Variants in KCNQ3 observed in about 807,000 individuals in gnomAD.
KCNQ3 encodes potassium voltage-gated channel subfamily Q member 3, also known as potassium voltage-gated channel subfamily KQT member 3.
Under a neutral mutation model 92.5 loss-of-function variants are expected in KCNQ3, and 30 were observed. The observed-to-expected ratio is 0.32, with a 90% CI of 0.24 to 0.44. The LOEUF (loss-of-function observed/expected upper bound fraction) is 0.44. Among genes scored for constraint, KCNQ3 ranks in the 20% least tolerant of loss-of-function variants. The pLI is 1.00. For missense variants in KCNQ3, 913 were observed against 1,140.3 expected, an observed-to-expected ratio of 0.80 and a Z score of 2.87; for synonymous variants, 450 against 468.8, an observed-to-expected ratio of 0.96 and a Z score of 0.52.
At chr8:132,170,188 A>G (rs539325053) in intron 8 of KCNQ3, 146 bp downstream of exon 8, 1 of 701,366 alleles carries the variant, frequency 1.4e-6, no homozygotes, top group East Asian at 2.7e-5. Context: ...TGTTTAAGCT[A>G]CCAGATAATT....
chr8:132,288,196 G>T (rs1017116306), intron 1 of KCNQ3, among the ~76,000 whole-genome samples: 1 of 152,154 alleles, frequency 6.6e-6, no homozygotes, highest in Non-Finnish European at 1.5e-5. Flanking sequence ...ATATGGATAT[G>T]TTTATGGTTT....
chr8:132,215,740 A>G (rs1814009981), intron 1 of KCNQ3, among the ~76,000 whole-genome samples: 1 of 152,232 alleles, frequency 6.6e-6, no homozygotes, highest in Admixed American at 6.5e-5. Flanking sequence ...GGCTTAGCCC[A>G]TGACTGATAG....
At chr8:132,368,292 C>T (rs1255011682) in intron 1 of KCNQ3, among the ~76,000 whole-genome samples, 1 of 152,136 alleles carries the variant, frequency 6.6e-6, no homozygotes, top group African/African-American at 2.4e-5. Context: ...TGAGGACCTC[C>T]TCTGTATACA....
At chr8:132,401,609 C>T (rs568076563) in intron 1 of KCNQ3, among the ~76,000 whole-genome samples, 14 of 152,234 alleles carry the variant, frequency 9.2e-5, no homozygotes, top group Admixed American at 7.2e-4. Context: ...TTCCTGACCT[C>T]GTGATCCGCC....
chr8:132,178,531 G>C (rs1466222904), intron 4 of KCNQ3, among the ~76,000 whole-genome samples: 2 of 152,130 alleles, frequency 1.3e-5, no homozygotes, highest in Non-Finnish European at 2.9e-5. Context: ...TGAGCACCCA[G>C]GAGGATTCAC....
At position 132,471,374 on chromosome 8, in the gene KCNQ3, C is replaced by CTGG. The variant is rs1182977891; in HGVS notation, c.386+8770_386+8772dup. Reference sequence around the variant, plus strand: ...CTTATTCATTTGTAAACGCGAGCCACTGGTCACCCTCCAAGTCAATACGGA... The same window carrying CTGG: ...CTTATTCATTTGTAAACGCGAGCCACTGGTGGTCACCCTCCAAGTCAATACGGA... On this transcript the variant is annotated intron_variant, in intron 1 of 14. Transcript: ENST00000388996. 7.9e-5 allele frequency among the ~76,000 whole-genome samples: 12 copies of CTGG among 152,278 alleles called. No homozygotes were observed. The South Asian group carries it at 2.3e-3, about 29-fold the overall frequency.
At chr8:132,396,145 G>C (rs1349027842) in intron 1 of KCNQ3, among the ~76,000 whole-genome samples, 2 of 152,104 alleles carry the variant, frequency 1.3e-5, no homozygotes, top group Non-Finnish European at 2.9e-5. Flanking sequence ...CTTCATTTCC[G>C]ACCCAGGCAG....
intron 1 of KCNQ3, among the ~76,000 whole-genome samples, chr8:132,292,758 T>C (rs1053033166): frequency 2.0e-5 from 3 of 152,218 alleles, no homozygotes; most frequent in Admixed American, 6.5e-5. Flanking sequence ...TGGGGCACTT[T>C]GGGCCTCAGG....
chr8:132,137,279 T>C (rs1023077752), intron 12 of KCNQ3, among the ~76,000 whole-genome samples: 3 of 152,194 alleles, frequency 2.0e-5, no homozygotes, highest in Admixed American at 2.0e-4. Flanking sequence ...TTCTAATCAG[T>C]TGGAGCTGGT....
intron 1 of KCNQ3, among the ~76,000 whole-genome samples, chr8:132,437,272 C>T (rs921522589): frequency 6.9e-6 from 1 of 145,744 alleles, no homozygotes; most frequent in Non-Finnish European, 1.5e-5. Flanking sequence ...AGCGAGACTC[C>T]GTCTCAAAAA....
intron 1 of KCNQ3, among the ~76,000 whole-genome samples, chr8:132,270,106 A>C (rs1816105816): frequency 6.7e-6 from 1 of 148,288 alleles, no homozygotes; most frequent in African/African-American, 2.5e-5. Flanking sequence ...CTTCCCTAGG[A>C]TTTCTAAGCT....
At chr8:132,432,440 C>A (rs1368090015) in intron 1 of KCNQ3, among the ~76,000 whole-genome samples, 3 of 151,700 alleles carry the variant, frequency 2.0e-5, no homozygotes, top group Non-Finnish European at 4.4e-5. Context: ...TTAAAACAAT[C>A]AAAAATGTAT....
At chr8:132,174,129 G>A (rs986609074) in intron 6 of KCNQ3, 110 bp downstream of exon 6, 1 of 795,544 alleles carries the variant, frequency 1.3e-6, no homozygotes, top group Non-Finnish European at 2.2e-6. Flanking sequence ...TGGCTAGGGA[G>A]TTGGTAGGGT....
chr8:132,297,304 T>A (rs1469729726), intron 1 of KCNQ3, among the ~76,000 whole-genome samples: 1 of 152,096 alleles, frequency 6.6e-6, no homozygotes, highest in Admixed American at 6.5e-5. Flanking sequence ...CTTTGTCAGA[T>A]GAGTAGGTTG....
chr8:132,143,416 G>A (rs1016466830), intron 9 of KCNQ3, among the ~76,000 whole-genome samples: 1 of 152,140 alleles, frequency 6.6e-6, no homozygotes, highest in African/African-American at 2.4e-5. Flanking sequence ...ACTATGCAGT[G>A]CTAGCAAGGC....
intron 4 of KCNQ3, among the ~76,000 whole-genome samples, chr8:132,179,401 G>C (rs1826676762): frequency 6.6e-6 from 1 of 152,038 alleles, no homozygotes; most frequent in Non-Finnish European, 1.5e-5. Context: ...ACAAACCCTA[G>C]AACTGGAATG....
chr8:132,343,069 G>A lies in KCNQ3; in HGVS notation c.386+137078C>T, dbSNP rs557324133. Among the ~76,000 whole-genome samples, 298 of 152,322 alleles carry A rather than the reference G, an allele frequency of 2.0e-3. 2 individuals are homozygous for A. The highest frequency in any genetic ancestry group is 6.0e-3 in the South Asian group (29 of 4,822). On this transcript the variant is annotated intron_variant, in intron 1 of 14. Transcript: ENST00000388996. The stretch of plus-strand genomic sequence containing the variant: ...GTACACTGAATCCACAGCACACAGC[G>A]CTTCAATCCAACCCTGCTGTAACAC...
At chr8:132,150,684 A>C (rs978999839) in intron 9 of KCNQ3, among the ~76,000 whole-genome samples, 1 of 151,972 alleles carries the variant, frequency 6.6e-6, no homozygotes, top group Non-Finnish European at 1.5e-5. Flanking sequence ...CTTTTAATGC[A>C]CATATGAGAG....
chr8:132,143,822 T>TTGG (rs1554623314), intron 9 of KCNQ3, among the ~76,000 whole-genome samples: 3 of 41,730 alleles, frequency 7.2e-5, no homozygotes, highest in Non-Finnish European at 1.2e-4. Flanking sequence ...AAAGGTTTTT[T>TTGG]TGGTTGTTGT....
Sources: gnomAD v4.1 joint callset for allele counts (sites outside exome capture counted in the v4.1 genomes callset) on GRCh38, gnomAD v4.1.1 for gene constraint, MANE v1.5 for transcripts, NCBI Gene and HGNC (gene_info 2026-07-23, HGNC 2026-07-21) for gene names.